HDAC4: variants seen among roughly 807,000 people sequenced by gnomAD.
HDAC4 encodes the protein histone deacetylase 4, also known as histone deacetylase A.
A neutral mutation model predicts 135.1 loss-of-function variants in HDAC4; 16 were observed. That is an observed-to-expected ratio of 0.12 (90% CI 0.08 to 0.18). The LOEUF is 0.18. HDAC4 is among the 10% of genes least tolerant of loss of function. The pLI is 1.00. For missense variants in HDAC4, 1,143 were observed against 1,511.8 expected (o/e 0.76, Z 4.05); for synonymous variants, 685 against 653.4 (o/e 1.05, Z -0.74).
At chr2:239,219,938 A>G (rs1348288525) in intron 3 of HDAC4, among the ~76,000 whole-genome samples, 1 of 152,260 alleles carries the variant, frequency 6.6e-6, no homozygotes, top group Non-Finnish European at 1.5e-5. Context: ...TTGTACACTC[A>G]CGGCAGAGCA....
chr2:239,086,904 C>CAGG (rs902154819), intron 19 of HDAC4, among the ~76,000 whole-genome samples: 18 of 152,318 alleles, frequency 1.2e-4, no homozygotes, highest in African/African-American at 4.1e-4. Flanking sequence ...GCTACCGTCC[C>CAGG]AGGAGACAGC....
intron 2 of HDAC4, among the ~76,000 whole-genome samples, chr2:239,265,150 T>G (rs2049644727): frequency 6.6e-6 from 1 of 152,158 alleles, no homozygotes. Context: ...GGGGAGGACT[T>G]GCTGCTCCAG....
In HDAC4 at chr2:239,081,162, C is replaced by T. The variant is rs145243652; in HGVS notation, c.2683G>A (p.Val895Ile). ...VGTGPGVGFN[V>I]NMAFTGGLDP... ...AGGCCGCCGGTGAAAGCCATGTTGACGTTGAAACCCACGCCGGGCCCTGTG... is the reference window on the plus strand; with the variant it reads ...AGGCCGCCGGTGAAAGCCATGTTGATGTTGAAACCCACGCCGGGCCCTGTG... The change falls in exon 22 of 27, where the codon GTC (valine) becomes ATC (isoleucine). Residue 895 changes from valine (V) to isoleucine (I), a missense_variant. Transcript: ENST00000543185. 153 of 1,613,922 alleles carry T rather than the reference C, an allele frequency of 9.5e-5. 1 individual carries two copies. Among genetic ancestry groups the T allele is most frequent in the African/African-American group, 7.6e-4 (57 of 75,054 alleles).
At chr2:239,160,691 G>C (rs1275995588) in intron 6 of HDAC4, among the ~76,000 whole-genome samples, 1 of 152,218 alleles carries the variant, frequency 6.6e-6, no homozygotes, top group Non-Finnish European at 1.5e-5. Context: ...CAGTTTGCAC[G>C]GTAGCGTGTG....
chr2:239,360,538 G>A (rs1004423172), intron 1 of HDAC4, among the ~76,000 whole-genome samples: 3 of 152,216 alleles, frequency 2.0e-5, no homozygotes, highest in Admixed American at 6.5e-5. Flanking sequence ...CACCTGCCCC[G>A]TGCCTGGCTG....
Position 239,048,520 on chromosome 2 carries a change from C to T in HDAC4, c.*4577G>A, listed in dbSNP as rs897905368. ...TTACAACTTGGTTTTCTACCACATTCCGTAAGAAGCTCTTGGGTGAGTAAG... is the reference window on the plus strand; with the variant it reads ...TTACAACTTGGTTTTCTACCACATTTCGTAAGAAGCTCTTGGGTGAGTAAG... On this transcript the variant is annotated 3_prime_UTR_variant, in exon 27 of 27. Transcript: ENST00000543185. The T allele has an allele frequency of 6.6e-6, 1 of 151,844 alleles. No homozygotes were observed. The highest frequency in any genetic ancestry group is 2.4e-5 in the African/African-American group (1 of 41,272). 9.4% of individuals were successfully genotyped at this position (151,844 alleles called of 1,614,324 possible).
intron 2 of HDAC4, among the ~76,000 whole-genome samples, chr2:239,267,577 G>A (rs546473018): frequency 2.6e-5 from 4 of 152,378 alleles, no homozygotes; most frequent in African/African-American, 4.8e-5. Context: ...GCCACAAACC[G>A]GAAACGTTAA....
At chr2:239,294,392 C>T (rs537269252) in intron 2 of HDAC4, among the ~76,000 whole-genome samples, 16 of 152,202 alleles carry the variant, frequency 1.1e-4, no homozygotes, top group Admixed American at 4.6e-4. Flanking sequence ...TGTGGATAGG[C>T]TGATAGGGAG....
intron 4 of HDAC4, among the ~76,000 whole-genome samples, chr2:239,177,241 C>A (rs528934434): frequency 6.6e-6 from 1 of 152,338 alleles, no homozygotes; most frequent in East Asian, 1.9e-4. Context: ...AGAGGCAAGA[C>A]TGAAAGACCC....
intron 2 of HDAC4, among the ~76,000 whole-genome samples, chr2:239,340,999 T>C (rs1692263097): frequency 6.6e-6 from 1 of 152,198 alleles, no homozygotes; most frequent in African/African-American, 2.4e-5. Context: ...AGAGCCACCA[T>C]TACCATCAAG....
intron 3 of HDAC4, among the ~76,000 whole-genome samples, chr2:239,221,051 C>T (rs915295868): frequency 2.6e-5 from 4 of 152,254 alleles, no homozygotes; most frequent in African/African-American, 9.6e-5. Flanking sequence ...CGGGCGGTGG[C>T]GTGTGACCCG....
chr2:239,253,812 A>G (rs532487230), intron 2 of HDAC4, among the ~76,000 whole-genome samples: 2 of 152,252 alleles, frequency 1.3e-5, no homozygotes, highest in Admixed American at 1.3e-4. Context: ...GGGGCCCAAG[A>G]GTCATCAGAA....
chr2:239,079,167 G>A (rs1380636386), intron 22 of HDAC4, among the ~76,000 whole-genome samples: 1 of 152,216 alleles, frequency 6.6e-6, no homozygotes, highest in Non-Finnish European at 1.5e-5. Flanking sequence ...CCAGGGGTCC[G>A]ATTTCATATG....
At position 239,368,523 on chromosome 2, in the gene HDAC4, G is replaced by A. The variant is rs147277211; in HGVS notation, c.-219-15605C>T. On this transcript the variant is annotated intron_variant, in intron 1 of 26. Coordinates refer to ENST00000543185, the MANE Select transcript of HDAC4 (RefSeq NM_001378414.1). ...CAAGCAAGAAAAACTGGAAACTGAC[G>A]TGTCCCAGCCGCCCACCCACTTCCT... Among the ~76,000 whole-genome samples the A allele has an allele frequency of 2.4e-4, 37 of 152,242 alleles. 1 individual carries two copies. The East Asian group carries it at 6.0e-3, about 25-fold the overall frequency.
At chr2:239,264,512 C>G (rs2125139386) in intron 2 of HDAC4, among the ~76,000 whole-genome samples, 1 of 152,386 alleles carries the variant, frequency 6.6e-6, no homozygotes, top group South Asian at 2.1e-4. Flanking sequence ...ACGGCTCTGA[C>G]AGGACAGCCA....
rs978210425 is a variant in HDAC4, at chr2:239,115,171, T to C, written c.1673A>G (p.Gln558Arg). Residue 558 changes from glutamine (Q) to arginine (R), a missense_variant, in exon 13 of 27, where the codon CAG becomes CGG. By Grantham distance (43) the Gln-to-Arg change is conservative. Coordinates refer to ENST00000543185, the MANE Select transcript of HDAC4 (RefSeq NM_001378414.1). This position sits in a 1 kb window ranked among gnomAD's most constrained non-coding sequence, Gnocchi z 6.3. ...CTCCTGCTTCACCTGCACGCCGGCC[T>C]GTGCGTGCGCCTCCTTCTGCCCCGG... Reference protein sequence around the residue: ...RLPGQKEAHAQAGVQVKQEPI... With the variant: ...RLPGQKEAHARAGVQVKQEPI... 6.2e-7 allele frequency: 1 copy of C among 1,611,160 alleles called. No individual in the cohort carries two copies.
chr2:239,231,204 A>G (rs1376508598), intron 3 of HDAC4, among the ~76,000 whole-genome samples: 1 of 152,204 alleles, frequency 6.6e-6, no homozygotes, highest in Non-Finnish European at 1.5e-5. Context: ...ACACAGGTAC[A>G]GAGGGTGATG....
intron 3 of HDAC4, among the ~76,000 whole-genome samples, chr2:239,215,349 G>C (rs2046574770): frequency 1.3e-5 from 2 of 152,194 alleles, no homozygotes; most frequent in Admixed American, 6.5e-5. Context: ...TGGCAACAGG[G>C]AGTCACTGGT....
chr2:239,095,185 C>T, intron 16 of HDAC4, 129 bp from the exon 17 acceptor site: 2 of 928,212 alleles, frequency 2.2e-6, no homozygotes, highest in Non-Finnish European at 1.7e-6. Context: ...GCCACTGCTC[C>T]CCCTTGTGAC....
Sources: allele counts gnomAD v4.1 joint callset (sites outside exome capture counted in the v4.1 genomes callset), GRCh38; gene constraint gnomAD v4.1.1; non-coding constraint Gnocchi (gnomAD v3.1); transcripts MANE v1.5; gene names NCBI Gene and HGNC (gene_info 2026-07-23, HGNC 2026-07-21).